Variants in CATSPERE observed in about 807,000 individuals in gnomAD.
CATSPERE encodes catsper channel auxiliary subunit epsilon.
Under a neutral mutation model 114.1 loss-of-function variants are expected in CATSPERE, and 93 were observed. The ratio of observed to expected loss-of-function variants is 0.81; its 90% CI spans 0.69 to 0.97. The LOEUF (loss-of-function observed/expected upper bound fraction) is 0.97, where lower values mean the gene tolerates loss of function less well. Ranked by LOEUF, CATSPERE falls within the 50% of genes least tolerant of loss-of-function variation. The probability of loss-of-function intolerance (pLI) is 0.00; values close to 1 mark genes in which losing one functional copy is unlikely to be tolerated. For synonymous variants in CATSPERE, 341 were observed against 384.1 expected (o/e 0.89, Z 1.31); for missense variants, 1,058 against 1,131.6 (o/e 0.93, Z 0.93).
intron 8 of CATSPERE, among the ~76,000 whole-genome samples, chr1:244,538,170 A>G (rs1449261892): frequency 6.6e-6 from 1 of 152,218 alleles, no homozygotes; most frequent in East Asian, 1.9e-4. Flanking sequence ...ATTTTTAAAA[A>G]ATCTTTTCAA....
intron 2 of CATSPERE, among the ~76,000 whole-genome samples, chr1:244,476,799 C>A (rs1215120562): frequency 6.6e-6 from 1 of 151,900 alleles, no homozygotes; most frequent in African/African-American, 2.4e-5. Context: ...AATAGAGAGG[C>A]AGGGAAAAAA....
intron 8 of CATSPERE, among the ~76,000 whole-genome samples, chr1:244,551,385 A>G (rs1660599681): frequency 6.6e-6 from 1 of 152,200 alleles, no homozygotes; most frequent in Non-Finnish European, 1.5e-5. Context: ...TACCTTCTGG[A>G]AAACTAACCA....
At chr1:244,501,211 AG>A (rs1443062933) in intron 7 of CATSPERE, among the ~76,000 whole-genome samples, 1 of 152,220 alleles carries the variant, frequency 6.6e-6, no homozygotes, top group African/African-American at 2.4e-5. Context: ...CTGACCATTA[AG>A]GTGCTTTAGA....
chr1:244,497,918 C>T (rs1288161038), intron 6 of CATSPERE, among the ~76,000 whole-genome samples: 3 of 152,126 alleles, frequency 2.0e-5, no homozygotes, highest in African/African-American at 4.8e-5. Flanking sequence ...GAAAGAAGAA[C>T]TCTCATACAT....
rs769049065 is a variant in CATSPERE, at chr1:244,610,350, A to T, written c.2490+24A>T. 3 of 1,540,672 alleles carry T rather than the reference A, an allele frequency of 1.9e-6. 1 individual carries two copies. The South Asian group carries it at 3.4e-5, about 17-fold the overall frequency. Reference sequence around the variant, plus strand: ...AGGTAAGAGAAACATTACCTTCCAGATTGTTTATTTGGAATAACTAATCTG... The same window carrying T: ...AGGTAAGAGAAACATTACCTTCCAGTTTGTTTATTTGGAATAACTAATCTG... On this transcript the variant is annotated intron_variant, in intron 19 of 21. Transcript: ENST00000366534.
At chr1:244,630,206 G>A (rs1181048547) in intron 20 of CATSPERE, among the ~76,000 whole-genome samples, 1 of 152,188 alleles carries the variant, frequency 6.6e-6, no homozygotes, top group Non-Finnish European at 1.5e-5. Context: ...AGTGAAACAA[G>A]ACTTGAGCCT....
chr1:244,621,193 ATTTATATAGATATATT>A (rs1336992183), intron 20 of CATSPERE, among the ~76,000 whole-genome samples: 11 of 9,652 alleles, frequency 1.1e-3, no homozygotes, highest in Non-Finnish European at 2.3e-3. Flanking sequence ...ATATAGATAT[ATTTATATAGATATATT>A]TATATATATA....
intron 11 of CATSPERE, among the ~76,000 whole-genome samples, chr1:244,578,937 AAC>A (rs1321256400): frequency 6.7e-6 from 1 of 148,830 alleles, no homozygotes; most frequent in African/African-American, 2.5e-5. Context: ...CCTCTCGTTC[AAC>A]ATTTTCTTGT....
rs888733640 is a variant in CATSPERE, at chr1:244,568,834, T to C, written c.1508-3496T>C. ...ACTTGGCTCCCTGGCTTCAGCCCCCTTTCCAGCGGAGTGAATCGTTCTCTC... is the reference window on the plus strand; with the variant it reads ...ACTTGGCTCCCTGGCTTCAGCCCCCCTTCCAGCGGAGTGAATCGTTCTCTC... On this transcript the variant is annotated intron_variant, in intron 10 of 21. Coordinates refer to ENST00000366534, the MANE Select transcript of CATSPERE (RefSeq NM_001130957.2). This position sits in a 1 kb window ranked among gnomAD's most constrained non-coding sequence, Gnocchi z 4.4. 2.0e-5 allele frequency among the ~76,000 whole-genome samples: 3 copies of C among 152,170 alleles called. No homozygotes were observed. The highest frequency in any genetic ancestry group is 2.9e-5 in the Non-Finnish European group (2 of 68,022).
At chr1:244,635,323 A>G (rs1256261308) in intron 20 of CATSPERE, among the ~76,000 whole-genome samples, 166 bp from the exon 21 acceptor site, 2 of 152,182 alleles carry the variant, frequency 1.3e-5, no homozygotes, top group East Asian at 1.9e-4. Flanking sequence ...ACATATGGAA[A>G]AATAATCACA....
intron 2 of CATSPERE, among the ~76,000 whole-genome samples, chr1:244,474,431 T>G (rs139225146): frequency 0.013 from 1,983 of 152,264 alleles, 24 homozygotes; most frequent in Non-Finnish European, 0.02. Context: ...AATGATCTTC[T>G]TCTATGTTCA....
At chr1:244,587,968 G>T (rs568432616) in intron 13 of CATSPERE, among the ~76,000 whole-genome samples, 1 of 152,280 alleles carries the variant, frequency 6.6e-6, no homozygotes, top group Non-Finnish European at 1.5e-5. Flanking sequence ...GCAGAGGCAG[G>T]TGGATCACAT....
upstream of CATSPERE, among the ~76,000 whole-genome samples, chr1:244,453,882 G>T (rs1665872090): frequency 1.3e-5 from 2 of 152,040 alleles, no homozygotes; most frequent in Non-Finnish European, 2.9e-5. Flanking sequence ...TTCGGCTCCT[G>T]GGGGGGTCTC....
upstream of CATSPERE, among the ~76,000 whole-genome samples, chr1:244,459,164 C>T (rs902268918): frequency 2.8e-4 from 43 of 151,644 alleles, no homozygotes; most frequent in African/African-American, 9.2e-4. Flanking sequence ...CTGCAACCTC[C>T]GCCTCCCAGG....
intron 7 of CATSPERE, among the ~76,000 whole-genome samples, chr1:244,503,095 A>C (rs1014931346): frequency 1.3e-5 from 2 of 152,126 alleles, no homozygotes; most frequent in Non-Finnish European, 2.9e-5. Flanking sequence ...ATCAGGTTAT[A>C]AATGTGTGAA....
intron 4 of CATSPERE, 146 bp from the exon 5 acceptor site, chr1:244,479,571 T>C: frequency 2.9e-6 from 1 of 349,002 alleles, no homozygotes; most frequent in Non-Finnish European, 5.2e-6. Context: ...TATTTAAATA[T>C]ATATTTAAAT....
chr1:244,455,162 A>T (rs1371190029), intron 1 of CATSPERE, among the ~76,000 whole-genome samples: 1 of 152,166 alleles, frequency 6.6e-6, no homozygotes, highest in Non-Finnish European at 1.5e-5. Context: ...TTGCCTCTTG[A>T]CAGTGGGGGG....
intron 8 of CATSPERE, among the ~76,000 whole-genome samples, chr1:244,546,619 A>T (rs1659794359): frequency 6.6e-6 from 1 of 152,254 alleles, no homozygotes; most frequent in Admixed American, 6.5e-5. Flanking sequence ...ATACATGATC[A>T]GAATGATAAA....
At chr1:244,581,698 T>G (rs1036836570) in intron 11 of CATSPERE, 98 bp from the exon 12 acceptor site, 6 of 585,620 alleles carry the variant, frequency 1.0e-5, no homozygotes, top group African/African-American at 1.9e-5. Context: ...AATGAAGGCA[T>G]TTTACATGCC....
Sources: allele counts gnomAD v4.1 joint callset (sites outside exome capture counted in the v4.1 genomes callset), GRCh38; gene constraint gnomAD v4.1.1; non-coding constraint Gnocchi (gnomAD v3.1); transcripts MANE v1.5; gene names NCBI Gene and HGNC (gene_info 2026-07-23, HGNC 2026-07-21).